The following MYBPC3 variants were observed in gnomAD, a reference collection of about 807,000 sequenced individuals.
The protein encoded by MYBPC3 is myosin-binding protein C, cardiac-type.
MYBPC3 carries 108 observed loss-of-function variants against 159.3 expected under a neutral mutation model. The ratio of observed to expected loss-of-function variants is 0.68; its 90% CI spans 0.58 to 0.80. The LOEUF (loss-of-function observed/expected upper bound fraction) is 0.80. Ranked by LOEUF, MYBPC3 falls within the 30% of genes least tolerant of loss-of-function variation. MYBPC3 has a pLI of 0.00. For missense variants in MYBPC3, 1,631 were observed against 1,762.1 expected, an observed-to-expected ratio of 0.93 and a Z score of 1.33; for synonymous variants, 730 against 702.0, an observed-to-expected ratio of 1.04 and a Z score of -0.63.
rs1565625104 is a variant in MYBPC3, at chr11:47,337,371, AC to A, written c.2602+19del. On this transcript the variant is annotated intron_variant, in intron 25 of 34. Transcript: ENST00000545968. The stretch of plus-strand genomic sequence containing the variant: ...AACTGGGGAGGGGGCGGGGGGCAGG[AC>A]CAGGCCAGGCAGGCTCACCGATAGG... The A allele has an allele frequency of 1.9e-6, 3 of 1,558,552 alleles. No individual in the cohort carries two copies. The South Asian group carries it at 3.5e-5, about 18-fold the overall frequency.
rs1489679460 is a variant in MYBPC3, at chr11:47,341,171, C to T, written c.1864G>A (p.Ala622Thr). ...ADYSFVPEGF[A>T]CNLSAKLHFM... ...TGGAGCTTGGCTGACAGGTTGCAGG[C>T]GAAGCCCTCGGGCACAAAGCTGTAG... Residue 622 changes from alanine to threonine, a missense_variant, in exon 19 of 35, where the codon GCC becomes ACC. Physicochemically the swap from Ala to Thr is moderately conservative, Grantham distance 58. Coordinates refer to ENST00000545968, the MANE Select transcript of MYBPC3 (RefSeq NM_000256.3). 1.9e-6 allele frequency: 3 copies of T among 1,595,220 alleles called. No individual in the cohort carries two copies. The highest frequency in any genetic ancestry group is 1.1e-5 in the South Asian group (1 of 87,616).
In MYBPC3 at chr11:47,332,642, G is replaced by T; in HGVS notation, c.3551C>A (p.Thr1184Asn). 2 of 1,613,876 alleles carry T rather than the reference G, an allele frequency of 1.2e-6. No homozygotes were observed. The highest frequency in any genetic ancestry group is 2.2e-5 in the South Asian group (2 of 91,086). Reference protein sequence around the residue: ...ALDFSEAPSFTQPLVNRSVIA... With the variant: ...ALDFSEAPSFNQPLVNRSVIA... ...GACCGAGCGGTTCACCAGGGGCTGG[G>T]TGAAGCTTGGGGCCTCGGAGAAGTC... Residue 1184 changes from threonine to asparagine, a missense_variant, in exon 32 of 35, where the codon ACC becomes AAC. Thr to Asn is a moderately conservative substitution (Grantham distance 65). Coordinates refer to ENST00000545968, the MANE Select transcript of MYBPC3 (RefSeq NM_000256.3). This position sits in a 1 kb window ranked among gnomAD's most constrained non-coding sequence, Gnocchi z 4.2.
At position 47,347,680 on chromosome 11, in the gene MYBPC3, C is replaced by T. The variant is rs751392149; in HGVS notation, c.822G>A (p.Thr274=). The change falls in exon 8 of 35, where the codon ACG becomes ACA. Residue 274 remains threonine (T), a splice_region_variant and synonymous_variant. Transcript: ENST00000545968. ...DLDLLSAFRR[T]SLAGGGRRIS... ...TCCGCCGACCACCTCCAGCCAGGCTCCTGTGGGGGTTAGACTCAGTATCCT... is the reference window on the plus strand; with the variant it reads ...TCCGCCGACCACCTCCAGCCAGGCTTCTGTGGGGGTTAGACTCAGTATCCT... 2 of 1,572,592 alleles carry T rather than the reference C, an allele frequency of 1.3e-6. No individual in the cohort carries two copies. The highest frequency in any genetic ancestry group is 8.6e-7 in the Non-Finnish European group (1 of 1,159,208).
In MYBPC3 at chr11:47,343,670, G is replaced by A. The variant is rs11570074; in HGVS notation, c.1091-46C>T. 119 of 1,504,748 alleles carry A rather than the reference G, an allele frequency of 7.9e-5. No homozygotes were observed. In the Middle Eastern group the frequency reaches 2.1e-3, roughly 26 times the overall value. 93.2% of individuals were successfully genotyped at this position (1,504,748 alleles called of 1,614,324 possible). On this transcript the variant is annotated intron_variant, in intron 12 of 34. Coordinates refer to ENST00000545968, the MANE Select transcript of MYBPC3 (RefSeq NM_000256.3). ...CCGGCCACCCCACCGCCCGCACCCT[G>A]CTCCCCCAGGCCAAGCTACTGTGGC...
In MYBPC3 at chr11:47,333,837, C is replaced by T. The variant is rs979862785; in HGVS notation, c.2994+85G>A. The T allele has an allele frequency of 3.2e-6, 5 of 1,548,824 alleles. No individual in the cohort carries two copies. The Admixed American group carries it at 9.7e-5, about 30-fold the overall frequency. Reference sequence around the variant, plus strand: ...CAGCCTCTGGTACCTCAGATCAGGCCAGCCCTGAGACATCAGTCCACTGGA... The same window carrying T: ...CAGCCTCTGGTACCTCAGATCAGGCTAGCCCTGAGACATCAGTCCACTGGA... On this transcript the variant is annotated intron_variant, in intron 28 of 34. Transcript: ENST00000545968.
chr11:47,343,562 C>T lies in MYBPC3; in HGVS notation c.1153G>A (p.Val385Met), dbSNP rs772073491. Residue 385 changes from valine to methionine, a missense_variant, in exon 13 of 35, where the codon GTG becomes ATG. Val to Met is a conservative substitution (Grantham distance 21). Coordinates refer to ENST00000545968, the MANE Select transcript of MYBPC3 (RefSeq NM_000256.3). ...TCAGCGTCATGGTCAGCCAGTTCCA[C>T]GGTCAGCCGGATCTTGTGGCCTTTG... ...VSKGHKIRLTVELADHDAEVK... is the reference protein window; with the variant it reads ...VSKGHKIRLTMELADHDAEVK... 38 of 1,612,550 alleles carry T rather than the reference C, an allele frequency of 2.4e-5. No individual in the cohort carries two copies. Among genetic ancestry groups the T allele is most frequent in the African/African-American group, 5.3e-5 (4 of 74,866 alleles).
At position 47,351,165 on chromosome 11, in the gene MYBPC3, G is replaced by A; in HGVS notation, c.292+74C>T. 7.0e-7 allele frequency: 1 copy of A among 1,437,334 alleles called. No individual in the cohort carries two copies. Among genetic ancestry groups the A allele is most frequent in the South Asian group, 1.5e-5 (1 of 67,672 alleles). The allele number at this position is 1,437,334 out of a possible 1,614,324, so 89.0% of individuals were successfully genotyped here. A position where few individuals can be genotyped will look rare whatever the true frequency, so the allele number is the denominator to read the frequency against. Reference sequence around the variant, plus strand: ...AGTGTGAAAGCACCTCCTGTTCCCTGGATGGATGGAGAGTCGCTGGGCTGC... The same window carrying A: ...AGTGTGAAAGCACCTCCTGTTCCCTAGATGGATGGAGAGTCGCTGGGCTGC... On this transcript the variant is annotated intron_variant, in intron 2 of 34. Transcript: ENST00000545968. The surrounding 1 kb of genome is among the most constrained non-coding windows in gnomAD (Gnocchi z 4.2).
chr11:47,333,792 C>T, intron 28 of MYBPC3, 40 bp from the exon 29 acceptor site: 2 of 1,564,122 alleles, frequency 1.3e-6, no homozygotes, highest in Non-Finnish European at 1.7e-6. Context: ...CTGGATCACT[C>T]CAAGGGCCGG....
chr11:47,341,926 C>T, intron 18 of MYBPC3, 65 bp downstream of exon 18: 1 of 1,535,370 alleles, frequency 6.5e-7, no homozygotes, highest in South Asian at 1.2e-5. Flanking sequence ...TCTGTTTCTC[C>T]CTGTGTCTCT....
rs2095900408 is a variant in MYBPC3, at chr11:47,351,155, C to G, written c.292+84G>C. The G allele has an allele frequency of 2.8e-6, 4 of 1,423,104 alleles. No individual in the cohort carries two copies. In the Admixed American group the frequency reaches 1.1e-4, roughly 39 times the overall value. 88.2% of individuals were successfully genotyped at this position (1,423,104 alleles called of 1,614,324 possible). A position where few individuals can be genotyped will look rare whatever the true frequency, so the allele number is the denominator to read the frequency against. On this transcript the variant is annotated intron_variant, in intron 2 of 34. Coordinates refer to ENST00000545968, the MANE Select transcript of MYBPC3 (RefSeq NM_000256.3). This position sits in a 1 kb window ranked among gnomAD's most constrained non-coding sequence, Gnocchi z 4.2. ...AAGGCAAGAAAGTGTGAAAGCACCT[C>G]CTGTTCCCTGGATGGATGGAGAGTC...
At position 47,350,251 on chromosome 11, in the gene MYBPC3, G is replaced by C. The variant is rs1255937641; in HGVS notation, c.407-139C>G. On this transcript the variant is annotated intron_variant, in intron 3 of 34. Transcript: ENST00000545968. Reference sequence around the variant, plus strand: ...CCATTCTCCTGCCTCAGCCTCCCAAGTTAGCTGGGACCGCAGGTGCCCGCC... The same window carrying C: ...CCATTCTCCTGCCTCAGCCTCCCAACTTAGCTGGGACCGCAGGTGCCCGCC... 8 of 1,200,754 alleles carry C rather than the reference G, an allele frequency of 6.7e-6. 1 individual carries two copies. The South Asian group carries it at 1.2e-4, about 18-fold the overall frequency. The allele number at this position is 1,200,754 out of a possible 1,614,324, so 74.4% of individuals were successfully genotyped here.
In MYBPC3 at chr11:47,338,056, T is replaced by G. The variant is rs1394806179; in HGVS notation, c.2309-262A>C. Among the ~76,000 whole-genome samples, 9 of 151,236 alleles carry G rather than the reference T, an allele frequency of 6.0e-5. No homozygotes were observed. Among genetic ancestry groups the G allele is most frequent in the Non-Finnish European group, 1.3e-4 (9 of 67,818 alleles). The stretch of plus-strand genomic sequence containing the variant: ...CATGTCGCCAGCCCTCCGTCAACCC[T>G]TTAAGGCTTCTCACTGCCCATATTC... On this transcript the variant is annotated intron_variant, in intron 23 of 34. Coordinates refer to ENST00000545968, the MANE Select transcript of MYBPC3 (RefSeq NM_000256.3). The surrounding 1 kb of genome is among the most constrained non-coding windows in gnomAD (Gnocchi z 4.7).
In MYBPC3 at chr11:47,351,482, G is replaced by A. The variant is rs747857800; in HGVS notation, c.49C>T (p.Arg17Trp). 38 of 1,589,922 alleles carry A rather than the reference G, an allele frequency of 2.4e-5. No homozygotes were observed. The highest frequency in any genetic ancestry group is 1.4e-4 in the East Asian group (6 of 44,224). Residue 17 changes from arginine to tryptophan, a missense_variant, in exon 2 of 35, where the codon CGG becomes TGG. Coordinates refer to ENST00000545968, the MANE Select transcript of MYBPC3 (RefSeq NM_000256.3). This position sits in a 1 kb window ranked among gnomAD's most constrained non-coding sequence, Gnocchi z 4.2. ...KPVSAFSKKP[R>W]SVEVAAGSPA... The stretch of plus-strand genomic sequence containing the variant: ...CTGCCTGCGGCCACTTCCACTGACC[G>A]TGGCTTCTTGCTAAAAGCTGAGACT...
At position 47,332,492 on chromosome 11, in the gene MYBPC3, A is replaced by G. The variant is rs1038276249; in HGVS notation, c.3627+74T>C. 1.3e-6 allele frequency: 2 copies of G among 1,553,670 alleles called. No individual in the cohort carries two copies. Among genetic ancestry groups the G allele is most frequent in the Non-Finnish European group, 1.7e-6 (2 of 1,148,090 alleles). ...AGAAAGCAGGGGAGACAGGCTGGGG[A>G]GAGGACTGCTCAACGTCGGGGCCTG... On this transcript the variant is annotated intron_variant, in intron 32 of 34. Transcript: ENST00000545968. This position sits in a 1 kb window ranked among gnomAD's most constrained non-coding sequence, Gnocchi z 4.2.
intron 20 of MYBPC3, 63 bp from the exon 21 acceptor site, chr11:47,339,853 GC>G: frequency 6.4e-7 from 1 of 1,566,416 alleles, no homozygotes; most frequent in Non-Finnish European, 8.7e-7. Context: ...GGTCACTGGG[GC>G]GGGGCTGCTC....
Position 47,341,177 on chromosome 11 carries a change from C to T in MYBPC3, c.1858G>A (p.Gly620Ser). The change falls in exon 19 of 35, where the codon GGC becomes AGC. Residue 620 changes from glycine (G) to serine (S), a missense_variant. By Grantham distance (56) the Gly-to-Ser change is moderately conservative. Transcript: ENST00000545968. ...DEADYSFVPE[G>S]FACNLSAKLH... is the part of the protein sequence containing the mutation. ...TTGGCTGACAGGTTGCAGGCGAAGC[C>T]CTCGGGCACAAAGCTGTAGTCAGCC... The T allele has an allele frequency of 6.3e-7, 1 of 1,594,650 alleles. No homozygotes were observed.
chr11:47,348,798 G>A (rs1267835217), intron 5 of MYBPC3, among the ~76,000 whole-genome samples: 1 of 150,298 alleles, frequency 6.7e-6, no homozygotes, highest in Non-Finnish European at 1.5e-5. Context: ...TCAGCTACTC[G>A]GGAGGCTGAG....
At chr11:47,352,104 C>T (rs556996219) in intron 1 of MYBPC3, among the ~76,000 whole-genome samples, 22 of 152,182 alleles carry the variant, frequency 1.4e-4, no homozygotes, top group Non-Finnish European at 2.4e-4. Context: ...GGCTGTGTCA[C>T]CCTCAACATG....
At chr11:47,344,288 C>T (rs2095892137) in intron 12 of MYBPC3, among the ~76,000 whole-genome samples, 1 of 152,178 alleles carries the variant, frequency 6.6e-6, no homozygotes, top group Non-Finnish European at 1.5e-5. Context: ...TGTACTCTTC[C>T]CAGGCGCTCC....
Sources: gnomAD v4.1 joint callset for allele counts (sites outside exome capture counted in the v4.1 genomes callset) on GRCh38, gnomAD v4.1.1 for gene constraint, Gnocchi (gnomAD v3.1) non-coding constraint, MANE v1.5 for transcripts, NCBI Gene and HGNC (gene_info 2026-07-23, HGNC 2026-07-21) for gene names.